Variants in SEPTIN9 observed in about 807,000 individuals in gnomAD.
SEPTIN9 encodes the protein septin-9.
A neutral mutation model predicts 56.6 loss-of-function variants in SEPTIN9; 13 were observed. That is an observed-to-expected ratio of 0.23 (90% confidence interval 0.15 to 0.37). The LOEUF (loss-of-function observed/expected upper bound fraction) is 0.37, where lower values mean the gene tolerates loss of function less well. Ranked by LOEUF, SEPTIN9 falls within the 10% of genes least tolerant of loss-of-function variation. SEPTIN9 has a pLI of 1.00. For synonymous variants in SEPTIN9, 332 were observed against 334.1 expected, an observed-to-expected ratio of 0.99 and a Z score of 0.07; for missense variants, 650 against 823.1, an observed-to-expected ratio of 0.79 and a Z score of 2.57.
rs1004229731 is a variant in SEPTIN9, at chr17:77,499,608, C to A, written c.*950C>A. 1.1e-5 allele frequency: 5 copies of A among 436,098 alleles called. No individual in the cohort carries two copies. The highest frequency in any genetic ancestry group is 4.0e-5 in the African/African-American group (2 of 50,564). 27.0% of individuals were successfully genotyped at this position (436,098 alleles called of 1,614,324 possible). On this transcript the variant is annotated 3_prime_UTR_variant, in exon 12 of 12. Coordinates refer to ENST00000427177, the MANE Select transcript of SEPTIN9 (RefSeq NM_001113491.2). The stretch of plus-strand genomic sequence containing the variant: ...CTTGGGCTGGTCAGAGTGGCGTGAG[C>A]TGCCCGGCGCCTGCCCTGCCCAAGT...
chr17:77,323,033 G>A lies in SEPTIN9; in HGVS notation c.76+15836G>A, dbSNP rs776994239. 6.6e-5 allele frequency: 10 copies of A among 152,540 alleles called. No individual in the cohort carries two copies. Among genetic ancestry groups the A allele is most frequent in the Admixed American group, 2.6e-4 (4 of 15,298 alleles). 9.4% of individuals were successfully genotyped at this position (152,540 alleles called of 1,614,324 possible). A position where few individuals can be genotyped will look rare whatever the true frequency, so the allele number is the denominator to read the frequency against. Reference sequence around the variant, plus strand: ...ACAGCTGCCCAGGAAGGGTTTGTGGGAGGGGGTGGTCCTACCCTGGTGAGT... The same window carrying A: ...ACAGCTGCCCAGGAAGGGTTTGTGGAAGGGGGTGGTCCTACCCTGGTGAGT... On this transcript the variant is annotated intron_variant, in intron 2 of 11. Transcript: ENST00000427177. This position sits in a 1 kb window ranked among gnomAD's most constrained non-coding sequence, Gnocchi z 6.8.
rs530102699 is a variant in SEPTIN9 at position 77,309,742 on chromosome 17, A to G, written c.76+2545A>G. Among the ~76,000 whole-genome samples, 3 of 150,602 alleles carry G rather than the reference A, an allele frequency of 2.0e-5. No homozygotes were observed. The East Asian group carries it at 5.8e-4, about 29-fold the overall frequency. On this transcript the variant is annotated intron_variant, in intron 2 of 11. Coordinates refer to ENST00000427177, the MANE Select transcript of SEPTIN9 (RefSeq NM_001113491.2). ...CAGCTCACACACTTTCTTTCCTTTTAAAAAAAAAATGGAATTCTTAGAGCT... is the reference window on the plus strand; with the variant it reads ...CAGCTCACACACTTTCTTTCCTTTTGAAAAAAAAATGGAATTCTTAGAGCT...
chr17:77,495,076 T>TGGGAC (rs2040196506), intron 10 of SEPTIN9, among the ~76,000 whole-genome samples: 1 of 152,206 alleles, frequency 6.6e-6, no homozygotes, highest in Admixed American at 6.5e-5. Flanking sequence ...TGGATGGGCC[T>TGGGAC]GGGACGGGCC....
intron 2 of SEPTIN9, chr17:77,373,290 C>CGGGGGCGCAGCGCGCGGGGA (rs1418295776): frequency 2.0e-4 from 166 of 837,532 alleles, no homozygotes; most frequent in Non-Finnish European, 2.4e-4. Context: ...GGGGGCGGGG[C>CGGGGGCGCAGCGCGCGGGGA]GGGGGCGCAG....
At chr17:77,322,096 C>T (rs868856172) in intron 2 of SEPTIN9, among the ~76,000 whole-genome samples, 2 of 152,200 alleles carry the variant, frequency 1.3e-5, no homozygotes, top group Non-Finnish European at 2.9e-5. Context: ...CGGGGAGCCT[C>T]GGGTTCGGCC....
At chr17:77,455,940 C>T (rs553589362) in intron 3 of SEPTIN9, among the ~76,000 whole-genome samples, 77 of 152,320 alleles carry the variant, frequency 5.1e-4, no homozygotes, top group African/African-American at 1.9e-3. Flanking sequence ...CAAAGAGCAG[C>T]ATTTCCTCGG....
chr17:77,431,433 CCAGA>C (rs1313218676), intron 3 of SEPTIN9, among the ~76,000 whole-genome samples: 1 of 152,208 alleles, frequency 6.6e-6, no homozygotes, highest in Non-Finnish European at 1.5e-5. Flanking sequence ...ATTGCGTCCT[CCAGA>C]CAAACACTGT....
At chr17:77,465,507 GCCGGCA>G (rs2038674846) in intron 3 of SEPTIN9, among the ~76,000 whole-genome samples, 1 of 152,196 alleles carries the variant, frequency 6.6e-6, no homozygotes, top group African/African-American at 2.4e-5. Flanking sequence ...AGGTTGTCTC[GCCGGCA>G]CCGGGCACTG....
At position 77,451,472 on chromosome 17, in the gene SEPTIN9, G is replaced by C; in HGVS notation, c.722-30672G>C. ...TGCTCGGCTCTGAGCCATGTGACCC[G>C]GTGGGCGGGCCGCGGCTCTCGGCGC... On this transcript the variant is annotated intron_variant, in intron 3 of 11. Coordinates refer to ENST00000427177, the MANE Select transcript of SEPTIN9 (RefSeq NM_001113491.2). This position sits in a 1 kb window ranked among gnomAD's most constrained non-coding sequence, Gnocchi z 4.2. The C allele has an allele frequency of 1.0e-6, 1 of 985,882 alleles. No homozygotes were observed. Among genetic ancestry groups the C allele is most frequent in the Non-Finnish European group, 1.2e-6 (1 of 830,300 alleles). The allele number at this position is 985,882 out of a possible 1,614,324, so 61.1% of individuals were successfully genotyped here. A position where few individuals can be genotyped will look rare whatever the true frequency, so the allele number is the denominator to read the frequency against.
At chr17:77,411,197 G>C (rs764309307) in intron 3 of SEPTIN9, among the ~76,000 whole-genome samples, 4 of 152,044 alleles carry the variant, frequency 2.6e-5, no homozygotes, top group Non-Finnish European at 5.9e-5. Context: ...CCAAGGGGTG[G>C]CCATGTTGAC....
At chr17:77,394,879 T>G (rs2035653594) in intron 2 of SEPTIN9, among the ~76,000 whole-genome samples, 1 of 152,108 alleles carries the variant, frequency 6.6e-6, no homozygotes, top group South Asian at 2.1e-4. Flanking sequence ...GAGGGGAAAG[T>G]TTGCATCTGG....
chr17:77,331,746 C>T (rs1167059197), intron 2 of SEPTIN9, among the ~76,000 whole-genome samples: 1 of 152,142 alleles, frequency 6.6e-6, no homozygotes, highest in Non-Finnish European at 1.5e-5. Context: ...GGGCAGATGA[C>T]CAGCCCCCGC....
chr17:77,447,647 C>T (rs565536970), intron 3 of SEPTIN9, among the ~76,000 whole-genome samples: 12 of 152,338 alleles, frequency 7.9e-5, no homozygotes, highest in African/African-American at 2.9e-4. Flanking sequence ...TTTTTTGAGA[C>T]GAAGTCTCGC....
intron 3 of SEPTIN9, among the ~76,000 whole-genome samples, chr17:77,403,840 T>C (rs895937684): frequency 8.5e-5 from 13 of 152,324 alleles, no homozygotes; most frequent in Admixed American, 2.6e-4. Context: ...TTCAGTACAT[T>C]CACGGTGTTG....
rs1160870127 is a variant in SEPTIN9, at chr17:77,433,003, G to A, written c.721+30300G>A. ...TCTTGGAGTCAGAGAATCCCCTGTC[G>A]CCGTGGCGGGGCTGTTCCCTCCTGC... On this transcript the variant is annotated intron_variant, in intron 3 of 11. Coordinates refer to ENST00000427177, the MANE Select transcript of SEPTIN9 (RefSeq NM_001113491.2). This position sits in a 1 kb window ranked among gnomAD's most constrained non-coding sequence, Gnocchi z 6.4. Among the ~76,000 whole-genome samples, 5 of 152,184 alleles carry A rather than the reference G, an allele frequency of 3.3e-5. No individual in the cohort carries two copies. Among genetic ancestry groups the A allele is most frequent in the South Asian group, 4.1e-4 (2 of 4,828 alleles).
rs1043772359 is a variant in SEPTIN9 at position 77,326,005 on chromosome 17, C to G, written c.76+18808C>G. ...GGAAGTGGGGCGTGAGGGTGTCAGCCTTTTTCTGCTGCCTGGTGCTCTAGG... is the reference window on the plus strand; with the variant it reads ...GGAAGTGGGGCGTGAGGGTGTCAGCGTTTTTCTGCTGCCTGGTGCTCTAGG... On this transcript the variant is annotated intron_variant, in intron 2 of 11. Transcript: ENST00000427177. This position sits in a 1 kb window ranked among gnomAD's most constrained non-coding sequence, Gnocchi z 5.1. Among the ~76,000 whole-genome samples, 2 of 152,108 alleles carry G rather than the reference C, an allele frequency of 1.3e-5. No homozygotes were observed. The highest frequency in any genetic ancestry group is 2.9e-5 in the Non-Finnish European group (2 of 68,006).
intron 2 of SEPTIN9, among the ~76,000 whole-genome samples, chr17:77,390,395 T>G (rs1266464776): frequency 2.2e-5 from 3 of 135,150 alleles, no homozygotes; most frequent in African/African-American, 8.2e-5. Context: ...CCAGAAGGCC[T>G]GCAGTCACCT....
At chr17:77,356,484 A>G (rs1014658658) in intron 2 of SEPTIN9, among the ~76,000 whole-genome samples, 2 of 151,112 alleles carry the variant, frequency 1.3e-5, no homozygotes, top group African/African-American at 4.9e-5. Flanking sequence ...TTCCTGATGG[A>G]AAAATGGGGG....
chr17:77,356,080 T>C (rs1598243972), intron 2 of SEPTIN9, among the ~76,000 whole-genome samples: 1 of 151,976 alleles, frequency 6.6e-6, no homozygotes, highest in East Asian at 1.9e-4. Flanking sequence ...AGGGCATCTC[T>C]AGACCCGGAC....
Sources: gnomAD v4.1 joint callset for allele counts (sites outside exome capture counted in the v4.1 genomes callset) on GRCh38, gnomAD v4.1.1 for gene constraint, Gnocchi (gnomAD v3.1) non-coding constraint, MANE v1.5 for transcripts, NCBI Gene and HGNC (gene_info 2026-07-23, HGNC 2026-07-21) for gene names.